Variants in TNPO1 observed in about 807,000 individuals in gnomAD.
The protein encoded by TNPO1 is transportin 1, also known as transportin-1.
A neutral mutation model predicts 119.5 loss-of-function variants in TNPO1; 8 were observed. The ratio of observed to expected loss-of-function variants is 0.07; its 90% confidence interval spans 0.04 to 0.12. The LOEUF (loss-of-function observed/expected upper bound fraction) is 0.12, where lower values mean the gene tolerates loss of function less well. Ranked by LOEUF, TNPO1 falls within the 10% of genes least tolerant of loss-of-function variation. The pLI, the probability that TNPO1 is intolerant of heterozygous loss-of-function variation, is 1.00. For synonymous variants in TNPO1, 362 were observed against 363.0 expected, an observed-to-expected ratio of 1.00 and a Z score of 0.03; for missense variants, 576 against 1,089.8, an observed-to-expected ratio of 0.53 and a Z score of 6.64.
chr5:72,857,969 T>G (rs1746133581), intron 4 of TNPO1, among the ~76,000 whole-genome samples: 1 of 152,236 alleles, frequency 6.6e-6, no homozygotes, highest in Non-Finnish European at 1.5e-5. Flanking sequence ...ATTGGTGAAA[T>G]TGACTTATGT....
At chr5:72,903,457 G>A (rs975468401) in intron 22 of TNPO1, among the ~76,000 whole-genome samples, 1 of 152,130 alleles carries the variant, frequency 6.6e-6, no homozygotes, top group East Asian at 1.9e-4. Context: ...TGCACAGGGG[G>A]TTATTTTGTT....
Position 72,868,458 on chromosome 5 carries a change from A to AAAAAAAC in TNPO1, c.596+2730_596+2731insAAAAACA, listed in dbSNP as rs1554052270. 9.5e-4 allele frequency among the ~76,000 whole-genome samples: 108 copies of AAAAAAAC among 113,394 alleles called. 2 individuals carry two copies. Among genetic ancestry groups the AAAAAAAC allele is most frequent in the Non-Finnish European group, 1.9e-3 (91 of 46,736 alleles). The allele number at this position is 113,394 out of a possible 152,430, so 74.4% of individuals were successfully genotyped here. A position where few individuals can be genotyped will look rare whatever the true frequency, so the allele number is the denominator to read the frequency against. Reference sequence around the variant, plus strand: ...AAAAAAAAAAAAAAAAAAAAAAAAAAACACAAAATAATATATCAGGCATTT... The same window carrying AAAAAAAC: ...AAAAAAAAAAAAAAAAAAAAAAAAAAAAAAAACACACAAAATAATATATCAGGCATTT... On this transcript the variant is annotated intron_variant, in intron 6 of 24. Transcript: ENST00000337273.
At chr5:72,884,163 G>A (rs1748456599) in intron 11 of TNPO1, among the ~76,000 whole-genome samples, 2 of 152,184 alleles carry the variant, frequency 1.3e-5, no homozygotes, top group South Asian at 2.1e-4. Context: ...CAAAGTGACT[G>A]CACCATTCTG....
rs200907299 is a variant in TNPO1 at position 72,856,246 on chromosome 5, G to GT, written c.355+332dup. On this transcript the variant is annotated intron_variant, in intron 4 of 24. Transcript: ENST00000337273. ...AGATTAGAGTTCTGTTTGTTTTTTT[G>GT]TTTTTTTTTGAAGCAGTCTCTGTTG... Among the ~76,000 whole-genome samples, 405 of 150,574 alleles carry GT rather than the reference G, an allele frequency of 2.7e-3. 3 individuals carry two copies. In the East Asian group the frequency reaches 0.05, roughly 19 times the overall value.
At chr5:72,884,037 A>G (rs1319649306) in intron 11 of TNPO1, among the ~76,000 whole-genome samples, 1 of 152,062 alleles carries the variant, frequency 6.6e-6, no homozygotes. Context: ...GGCGTAAGCC[A>G]CTGTGTCTGG....
At chr5:72,886,944 C>T (rs1748696270) in intron 11 of TNPO1, 126 bp from the exon 12 acceptor site, 3 of 751,418 alleles carry the variant, frequency 4.0e-6, no homozygotes, top group East Asian at 3.6e-5. Flanking sequence ...AAACTACCTC[C>T]TATTCAATTG....
chr5:72,847,999 C>T (rs1235882322), intron 1 of TNPO1: 1 of 941,630 alleles, frequency 1.1e-6, no homozygotes, highest in Non-Finnish European at 1.3e-6. Flanking sequence ...TTTTTATTAG[C>T]CCTTAAGTCA....
chr5:72,883,013 C>A, intron 10 of TNPO1, 51 bp from the exon 11 acceptor site: 1 of 1,278,320 alleles, frequency 7.8e-7, no homozygotes, highest in Non-Finnish European at 1.1e-6. Flanking sequence ...CATGTACATA[C>A]TATTAGCCTA....
chr5:72,822,761 T>G (rs1744023956), intron 1 of TNPO1, among the ~76,000 whole-genome samples: 1 of 151,862 alleles, frequency 6.6e-6, no homozygotes, highest in African/African-American at 2.4e-5. Context: ...CCCAGCTGAT[T>G]TTTTGTATTT....
chr5:72,818,569 G>A (rs750126545), intron 1 of TNPO1, among the ~76,000 whole-genome samples: 39 of 152,050 alleles, frequency 2.6e-4, no homozygotes, highest in Non-Finnish European at 4.4e-4. Context: ...ATAAAGTGAC[G>A]TCAAACCAAG....
intron 9 of TNPO1, among the ~76,000 whole-genome samples, chr5:72,877,830 G>C (rs1401057969): frequency 6.6e-6 from 1 of 152,030 alleles, no homozygotes; most frequent in African/African-American, 2.4e-5. Context: ...TCACCACCCT[G>C]AGTAATCACT....
chr5:72,894,036 G>T (rs190751157), intron 18 of TNPO1, among the ~76,000 whole-genome samples: 1 of 152,296 alleles, frequency 6.6e-6, no homozygotes, highest in African/African-American at 2.4e-5. Flanking sequence ...CACCTTTTTG[G>T]TAGAGGTACA....
In TNPO1 at chr5:72,824,942, C is replaced by A. The variant is rs190873001; in HGVS notation, c.15+8190C>A. ...ATGCCTGCTTTACCCACAGACTCTCCCATTTCTGTCAGTGGCAACTCCGTC... is the reference window on the plus strand; with the variant it reads ...ATGCCTGCTTTACCCACAGACTCTCACATTTCTGTCAGTGGCAACTCCGTC... On this transcript the variant is annotated intron_variant, in intron 1 of 24. Transcript: ENST00000337273. Among the ~76,000 whole-genome samples, 19 of 152,316 alleles carry A rather than the reference C, an allele frequency of 1.2e-4. No homozygotes were observed. The East Asian group carries it at 2.9e-3, about 23-fold the overall frequency.
At chr5:72,853,586 A>G (rs1023479949) in intron 3 of TNPO1, among the ~76,000 whole-genome samples, 6 of 152,042 alleles carry the variant, frequency 3.9e-5, no homozygotes, top group Non-Finnish European at 5.9e-5. Flanking sequence ...TCTTATGTTC[A>G]TTATGCAGTT....
chr5:72,877,959 A>G (rs868025652), intron 9 of TNPO1, among the ~76,000 whole-genome samples: 9 of 152,306 alleles, frequency 5.9e-5, no homozygotes, highest in South Asian at 4.1e-4. Context: ...ATACATTAAC[A>G]TGACATCTTG....
intron 1 of TNPO1, among the ~76,000 whole-genome samples, chr5:72,842,683 A>T (rs1744967239): frequency 6.6e-6 from 1 of 152,198 alleles, no homozygotes; most frequent in African/African-American, 2.4e-5. Flanking sequence ...TTGCAAACTG[A>T]TGGGTTTTAA....
chr5:72,886,574 G>A (rs1023307169), intron 11 of TNPO1, among the ~76,000 whole-genome samples: 1 of 152,140 alleles, frequency 6.6e-6, no homozygotes, highest in East Asian at 1.9e-4. Flanking sequence ...TGCCAAGTAA[G>A]TTCTTGTCAT....
Position 72,858,605 on chromosome 5 carries a change from A to G in TNPO1, c.355+2682A>G, listed in dbSNP as rs372002947. On this transcript the variant is annotated intron_variant, in intron 4 of 24. Coordinates refer to ENST00000337273, the MANE Select transcript of TNPO1 (RefSeq NM_002270.4). ...GTAATCCCAGCACTTTGGGAGGCCA[A>G]GGTGGGCGGATCACGAGGTCAGGAG... is the stretch of plus-strand genomic sequence containing the variant. 1.2e-4 allele frequency among the ~76,000 whole-genome samples: 18 copies of G among 152,268 alleles called. No individual in the cohort carries two copies. The East Asian group carries it at 1.7e-3, about 15-fold the overall frequency.
In TNPO1 at chr5:72,829,639, C is replaced by T. The variant is rs1418444940; in HGVS notation, c.15+12887C>T. ...ATGACTATTCCTTGTTTATAGGTGT[C>T]TAAATGTTTTACTTCTAGAAGCTGA... On this transcript the variant is annotated intron_variant, in intron 1 of 24. Transcript: ENST00000337273. 2.0e-5 allele frequency among the ~76,000 whole-genome samples: 3 copies of T among 152,226 alleles called. No individual in the cohort carries two copies. The East Asian group carries it at 5.8e-4, about 29-fold the overall frequency.
Sources: allele counts gnomAD v4.1 joint callset (sites outside exome capture counted in the v4.1 genomes callset), GRCh38; gene constraint gnomAD v4.1.1; transcripts MANE v1.5; gene names NCBI Gene and HGNC (gene_info 2026-07-23, HGNC 2026-07-21).